SERINC5: variants seen among roughly 807,000 people sequenced by gnomAD.
SERINC5 encodes chromosome 5 open reading frame 12.
Under a neutral mutation model 63.1 loss-of-function variants are expected in SERINC5, and 41 were observed. The ratio of observed to expected loss-of-function variants is 0.65; its 90% confidence interval spans 0.51 to 0.84. The LOEUF (loss-of-function observed/expected upper bound fraction) is 0.84, where lower values mean the gene tolerates loss of function less well. Among genes scored for constraint, SERINC5 ranks in the 40% least tolerant of loss-of-function variants. The probability of loss-of-function intolerance (pLI) is 0.00; values close to 1 mark genes in which losing one functional copy is unlikely to be tolerated. For missense variants in SERINC5, 523 were observed against 573.0 expected, an observed-to-expected ratio of 0.91 and a Z score of 0.89; for synonymous variants, 222 against 215.2, an observed-to-expected ratio of 1.03 and a Z score of -0.28.
In SERINC5 at chr5:80,142,939, T is replaced by A. The variant is rs1246983500; in HGVS notation, c.*724A>T. ...AGTAACTCGGATCAGGTAGTGATAA[T>A]AAGGTGGGGAACCACCTGGGGGGTG... On this transcript the variant is annotated 3_prime_UTR_variant, in exon 12 of 12. Coordinates refer to ENST00000507668, the MANE Select transcript of SERINC5 (RefSeq NM_001174072.3). The A allele has an allele frequency of 6.1e-6, 6 of 985,370 alleles. No homozygotes were observed. In the South Asian group the frequency reaches 2.3e-4, roughly 39 times the overall value. 61.0% of individuals were successfully genotyped at this position (985,370 alleles called of 1,614,324 possible). A position where few individuals can be genotyped will look rare whatever the true frequency, so the allele number is the denominator to read the frequency against.
At chr5:80,175,458 G>A (rs1747965708) in intron 4 of SERINC5, among the ~76,000 whole-genome samples, 1 of 152,166 alleles carries the variant, frequency 6.6e-6, no homozygotes, top group South Asian at 2.1e-4. Flanking sequence ...ACAATGACCA[G>A]TAAAGAAACA....
In SERINC5 at chr5:80,192,834, G is replaced by C. The variant is rs771862573; in HGVS notation, c.195+10052C>G. Among the ~76,000 whole-genome samples, 4 of 152,170 alleles carry C rather than the reference G, an allele frequency of 2.6e-5. 1 individual carries two copies. Among genetic ancestry groups the C allele is most frequent in the Non-Finnish European group, 5.9e-5 (4 of 68,034 alleles). ...CCCAGGCACCTCAGCTCTGTCTCTA[G>C]AATGGGGAGAGAGCATTCCTGAGTT... On this transcript the variant is annotated intron_variant, in intron 2 of 11. Transcript: ENST00000507668.
chr5:80,156,553 T>G (rs1746529818), intron 8 of SERINC5, among the ~76,000 whole-genome samples: 2 of 152,222 alleles, frequency 1.3e-5, no homozygotes, highest in Non-Finnish European at 2.9e-5. Context: ...AGCAGAGTGG[T>G]CATCCTCATC....
chr5:80,140,893 T>C lies in SERINC5; in HGVS notation c.*2770A>G. ...CAGCAGCTTCTGGGAATATACTCTT[T>C]AGGTCATGTACAAAAAGGTGTAGGA... is the stretch of plus-strand genomic sequence containing the variant. On this transcript the variant is annotated 3_prime_UTR_variant, in exon 12 of 12. Transcript: ENST00000507668. The C allele has an allele frequency of 1.0e-6, 1 of 985,370 alleles. No individual in the cohort carries two copies. The highest frequency in any genetic ancestry group is 1.2e-6 in the Non-Finnish European group (1 of 829,864). 61.0% of individuals were successfully genotyped at this position (985,370 alleles called of 1,614,324 possible). A position where few individuals can be genotyped will look rare whatever the true frequency, so the allele number is the denominator to read the frequency against.
In SERINC5 at chr5:80,182,555, CT is replaced by C. The variant is rs66891402; in HGVS notation, c.196-4492del. Among the ~76,000 whole-genome samples, 356 of 47,012 alleles carry C rather than the reference CT, an allele frequency of 7.6e-3. 11 individuals carry two copies. The highest frequency in any genetic ancestry group is 0.027 in the East Asian group (34 of 1,262). 30.8% of individuals were successfully genotyped at this position (47,012 alleles called of 152,430 possible). ...TCTATCATCTGACCGCCCCCCCCCC[CT>C]CCGCTTTTTTTTAATTGAGACCTCT... is the stretch of plus-strand genomic sequence containing the variant. On this transcript the variant is annotated intron_variant, in intron 2 of 11. Transcript: ENST00000507668.
chr5:80,203,222 CA>C lies in SERINC5; in HGVS notation c.28-170del, dbSNP rs111773968. On this transcript the variant is annotated intron_variant, in intron 1 of 11. Coordinates refer to ENST00000507668, the MANE Select transcript of SERINC5 (RefSeq NM_001174072.3). Reference sequence around the variant, plus strand: ...GAGTTCAAGTTTAGCCTGGTCAACACAGCAAGAACCTGTCTCTAAATAAATA... The same window carrying C: ...GAGTTCAAGTTTAGCCTGGTCAACACGCAAGAACCTGTCTCTAAATAAATA... The C allele has an allele frequency of 4.0e-3, 2,441 of 614,146 alleles. 60 individuals carry two copies. Among genetic ancestry groups the C allele is most frequent in the African/African-American group, 0.039 (2,118 of 54,764 alleles). 38.0% of individuals were successfully genotyped at this position (614,146 alleles called of 1,614,324 possible).
intron 1 of SERINC5, among the ~76,000 whole-genome samples, chr5:80,206,516 T>C (rs1424235736): frequency 6.6e-6 from 1 of 152,208 alleles, no homozygotes; most frequent in African/African-American, 2.4e-5. Flanking sequence ...AGATTCTTCT[T>C]GACTCACAAA....
intron 1 of SERINC5, among the ~76,000 whole-genome samples, chr5:80,232,358 C>T (rs1751485839): frequency 6.7e-6 from 1 of 150,128 alleles, no homozygotes; most frequent in African/African-American, 2.5e-5. Context: ...GAGCTGAGAT[C>T]ACACCACTGC....
intron 1 of SERINC5, among the ~76,000 whole-genome samples, chr5:80,245,787 G>A (rs927283958): frequency 1.3e-5 from 2 of 151,454 alleles, no homozygotes; most frequent in Admixed American, 6.6e-5. Context: ...GCTAATTTTT[G>A]TATTTTTAGT....
intron 11 of SERINC5, among the ~76,000 whole-genome samples, chr5:80,118,388 C>T (rs1458064012): frequency 6.6e-6 from 1 of 152,058 alleles, no homozygotes; most frequent in East Asian, 1.9e-4. Flanking sequence ...TGCTGGGTAG[C>T]TTACAAACAA....
intron 1 of SERINC5, among the ~76,000 whole-genome samples, chr5:80,218,607 G>A (rs1318673926): frequency 2.0e-5 from 3 of 151,390 alleles, no homozygotes; most frequent in South Asian, 2.1e-4. Flanking sequence ...CCAGGGAGTC[G>A]GAGGTTGCAG....
At chr5:80,229,293 G>T (rs1465171646) in intron 1 of SERINC5, among the ~76,000 whole-genome samples, 1 of 151,344 alleles carries the variant, frequency 6.6e-6, no homozygotes, top group African/African-American at 2.4e-5. Flanking sequence ...CAAAGTGCTG[G>T]GATCACAGGG....
At chr5:80,187,974 G>T (rs1048581276) in intron 2 of SERINC5, among the ~76,000 whole-genome samples, 1 of 152,138 alleles carries the variant, frequency 6.6e-6, no homozygotes, top group Non-Finnish European at 1.5e-5. Flanking sequence ...AATCTCCATT[G>T]AGAGAATTAG....
At chr5:80,147,121 G>A in intron 10 of SERINC5, 124 bp downstream of exon 10, 1 of 865,324 alleles carries the variant, frequency 1.2e-6, no homozygotes, top group Non-Finnish European at 1.8e-6. Context: ...TAGTAAGTCA[G>A]CTTTAGAATA....
At chr5:80,229,774 T>C (rs2112561471) in intron 1 of SERINC5, among the ~76,000 whole-genome samples, 1 of 152,376 alleles carries the variant, frequency 6.6e-6, no homozygotes, top group South Asian at 2.1e-4. Flanking sequence ...TTAGCTTGCA[T>C]GCATGCTCAT....
intron 9 of SERINC5, among the ~76,000 whole-genome samples, chr5:80,149,166 A>G (rs1561369190): frequency 6.6e-6 from 1 of 152,152 alleles, no homozygotes; most frequent in African/African-American, 2.4e-5. Flanking sequence ...CCTCTCTTAA[A>G]TCTAACTTGG....
chr5:80,174,450 G>T (rs1294315163), intron 5 of SERINC5, among the ~76,000 whole-genome samples: 1 of 151,382 alleles, frequency 6.6e-6, no homozygotes, highest in Non-Finnish European at 1.5e-5. Flanking sequence ...TCTCCTGGTT[G>T]CCAGGCCCAT....
At position 80,183,704 on chromosome 5, in the gene SERINC5, G is replaced by A. The variant is rs148256039; in HGVS notation, c.196-5640C>T. ...CCCCACTGAGCACCTTGTGACCCCC[G>A]CCCCTGCCCACCAGAGAACAACCCC... is the stretch of plus-strand genomic sequence containing the variant. On this transcript the variant is annotated intron_variant, in intron 2 of 11. Transcript: ENST00000507668. Among the ~76,000 whole-genome samples the A allele has an allele frequency of 3.1e-4, 46 of 150,244 alleles. 1 individual carries two copies. The East Asian group carries it at 8.0e-3, about 26-fold the overall frequency.
intron 1 of SERINC5, among the ~76,000 whole-genome samples, chr5:80,224,535 T>A (rs1751078124): frequency 6.6e-6 from 1 of 152,052 alleles, no homozygotes; most frequent in Non-Finnish European, 1.5e-5. Flanking sequence ...ATCCAGTCCT[T>A]CCAAAGAAGG....
Sources: gnomAD v4.1 joint callset for allele counts (sites outside exome capture counted in the v4.1 genomes callset) on GRCh38, gnomAD v4.1.1 for gene constraint, MANE v1.5 for transcripts, NCBI Gene and HGNC (gene_info 2026-07-23, HGNC 2026-07-21) for gene names.